Variants in SUFU observed in about 807,000 individuals in gnomAD.
The protein encoded by SUFU is suppressor of fused homolog.
A neutral mutation model predicts 58.9 loss-of-function variants in SUFU; 7 were observed. That is an observed-to-expected ratio of 0.12 (90% confidence interval 0.07 to 0.22). The LOEUF (loss-of-function observed/expected upper bound fraction) is 0.22, where lower values mean the gene tolerates loss of function less well. Ranked by LOEUF, SUFU falls within the 10% of genes least tolerant of loss-of-function variation. The pLI is 1.00. For synonymous variants in SUFU, 232 were observed against 254.8 expected, an observed-to-expected ratio of 0.91 and a Z score of 0.85; for missense variants, 451 against 641.3, an observed-to-expected ratio of 0.70 and a Z score of 3.20.
chr10:102,614,001 G>GAC (rs2063654641), intron 8 of SUFU, among the ~76,000 whole-genome samples: 2 of 152,094 alleles, frequency 1.3e-5, no homozygotes, highest in South Asian at 4.1e-4. Context: ...GGTCTGACTC[G>GAC]TAAGAGCCCA....
At position 102,513,880 on chromosome 10, in the gene SUFU, T is replaced by C. The variant is rs116612367; in HGVS notation, c.317+4577T>C. ...TATCCTCTCCTTTTTTAAACTGATA[T>C]GAATTTATTTTTATTTTTATTTTTG... On this transcript the variant is annotated intron_variant, in intron 2 of 11. Transcript: ENST00000369902. 8.8e-3 allele frequency among the ~76,000 whole-genome samples: 1,339 copies of C among 152,256 alleles called. 19 individuals carry two copies. The highest frequency in any genetic ancestry group is 0.03 in the African/African-American group (1,262 of 41,552).
At chr10:102,559,000 C>T (rs942990136) in intron 3 of SUFU, among the ~76,000 whole-genome samples, 6 of 152,214 alleles carry the variant, frequency 3.9e-5, no homozygotes, top group African/African-American at 7.2e-5. Context: ...ATCTGTTCAG[C>T]GATGTTCTCA....
At chr10:102,589,849 C>T (rs946426134) in intron 3 of SUFU, among the ~76,000 whole-genome samples, 1 of 152,072 alleles carries the variant, frequency 6.6e-6, no homozygotes, top group African/African-American at 2.4e-5. Flanking sequence ...TGTTCCTGAT[C>T]GTAGAAGGAA....
intron 8 of SUFU, among the ~76,000 whole-genome samples, chr10:102,612,804 G>T (rs554350501): frequency 1.2e-4 from 19 of 152,160 alleles, no homozygotes; most frequent in African/African-American, 4.3e-4. Context: ...CCTTCGGCTC[G>T]TCACCTCACC....
intron 2 of SUFU, 80 bp downstream of exon 2, chr10:102,509,383 T>C (rs2062371707): frequency 6.3e-7 from 1 of 1,577,422 alleles, no homozygotes; most frequent in Non-Finnish European, 8.6e-7. Flanking sequence ...GTCATAGTGC[T>C]GTGAGCATGG....
At chr10:102,598,772 T>C (rs1162042216) in intron 7 of SUFU, among the ~76,000 whole-genome samples, 1 of 152,220 alleles carries the variant, frequency 6.6e-6, no homozygotes, top group East Asian at 1.9e-4. Flanking sequence ...GAGGTAAATT[T>C]AGATCCAAAT....
chr10:102,578,778 C>T (rs1473233981), intron 3 of SUFU, among the ~76,000 whole-genome samples: 1 of 150,970 alleles, frequency 6.6e-6, no homozygotes, highest in East Asian at 1.9e-4. Context: ...GGCTGAGGCA[C>T]GAGACTTGCC....
At position 102,599,493 on chromosome 10, in the gene SUFU, T is replaced by C. The variant is rs1170234423; in HGVS notation, c.971T>C (p.Leu324Pro). ...RGLEINSKPV[L>P]PPINPQRQNG... is the part of the protein sequence containing the mutation. ...CTCGAGATCAACAGCAAACCTGTCC[T>C]TCCACCAATCAACCCTCAGCGGCAG... is the stretch of plus-strand genomic sequence containing the variant. The change falls in exon 8 of 12, where the codon CTT becomes CCT. Residue 324 changes from leucine to proline, a missense_variant. Coordinates refer to ENST00000369902, the MANE Select transcript of SUFU (RefSeq NM_016169.4). 6.2e-7 allele frequency: 1 copy of C among 1,614,170 alleles called. No individual in the cohort carries two copies. The highest frequency in any genetic ancestry group is 2.2e-5 in the East Asian group (1 of 44,872).
intron 2 of SUFU, among the ~76,000 whole-genome samples, chr10:102,534,580 G>A (rs894096583): frequency 3.3e-5 from 5 of 152,228 alleles, no homozygotes; most frequent in South Asian, 2.1e-4. Context: ...CCAGACTGTC[G>A]TTCATCCTCT....
intron 3 of SUFU, among the ~76,000 whole-genome samples, chr10:102,587,210 T>C (rs1180658607): frequency 1.3e-5 from 2 of 152,216 alleles, no homozygotes; most frequent in Non-Finnish European, 2.9e-5. Context: ...TTATTTTGGC[T>C]ATATACCCAG....
chr10:102,597,254 A>C lies in SUFU; in HGVS notation c.871A>C (p.Ile291Leu). ...CGAGGATGACGAGGACAGCCGGAGC[A>C]TCTGCATCGGCACACAGCCCCGGCG... ...PPEDDEDSRS[I>L]CIGTQPRRLS... Residue 291 changes from isoleucine (I) to leucine (L), a missense_variant, in exon 7 of 12, where the codon ATC becomes CTC. Ile to Leu is a conservative substitution (Grantham distance 5). Coordinates refer to ENST00000369902, the MANE Select transcript of SUFU (RefSeq NM_016169.4). The C allele has an allele frequency of 6.2e-7, 1 of 1,614,020 alleles. No individual in the cohort carries two copies. Among genetic ancestry groups the C allele is most frequent in the Non-Finnish European group, 8.5e-7 (1 of 1,180,028 alleles).
At chr10:102,523,598 G>A (rs1286548641) in intron 2 of SUFU, among the ~76,000 whole-genome samples, 2 of 152,142 alleles carry the variant, frequency 1.3e-5, no homozygotes, top group East Asian at 1.9e-4. Flanking sequence ...TAACCCTCTC[G>A]TCTTCCTGTT....
chr10:102,597,363 C>G (rs1203879698), intron 7 of SUFU, 70 bp downstream of exon 7: 23 of 1,543,856 alleles, frequency 1.5e-5, no homozygotes, highest in Non-Finnish European at 1.9e-5. Context: ...TTTCCAGTCT[C>G]TCTAGGATGG....
intron 2 of SUFU, among the ~76,000 whole-genome samples, chr10:102,539,331 C>T (rs1197360745): frequency 6.6e-6 from 1 of 152,190 alleles, no homozygotes; most frequent in Admixed American, 6.6e-5. Context: ...ATGTATTTCT[C>T]CATAGGAATA....
In SUFU at chr10:102,617,185, C is replaced by T; in HGVS notation, c.1158-105C>T. 1.3e-6 allele frequency: 2 copies of T among 1,503,462 alleles called. No individual in the cohort carries two copies. The highest frequency in any genetic ancestry group is 2.3e-5 in the South Asian group (2 of 87,730). The allele number at this position is 1,503,462 out of a possible 1,614,324, so 93.1% of individuals were successfully genotyped here. A position where few individuals can be genotyped will look rare whatever the true frequency, so the allele number is the denominator to read the frequency against. ...GCAGCCAGGAGGGCATGTTACCTGG[C>T]CCGCGGACCATAGTCCCCACTGTCC... On this transcript the variant is annotated intron_variant, in intron 9 of 11. Transcript: ENST00000369902. This position sits in a 1 kb window ranked among gnomAD's most constrained non-coding sequence, Gnocchi z 4.4.
chr10:102,626,854 T>C (rs2063790873), intron 10 of SUFU, among the ~76,000 whole-genome samples: 1 of 152,194 alleles, frequency 6.6e-6, no homozygotes, highest in African/African-American at 2.4e-5. Context: ...TTTTTCTTCC[T>C]GAGATTCCTT....
intron 8 of SUFU, among the ~76,000 whole-genome samples, chr10:102,610,471 G>A (rs1247169519): frequency 2.0e-5 from 3 of 151,838 alleles, no homozygotes; most frequent in South Asian, 2.1e-4. Context: ...TTATATAGGC[G>A]GGGTTTAGCA....
At chr10:102,592,932 T>G (rs933508438) in intron 4 of SUFU, among the ~76,000 whole-genome samples, 1 of 152,144 alleles carries the variant, frequency 6.6e-6, no homozygotes. Flanking sequence ...AAGGGGGCAT[T>G]TGGTTGGGAG....
intron 3 of SUFU, among the ~76,000 whole-genome samples, chr10:102,553,599 G>A (rs1256932678): frequency 6.6e-6 from 1 of 152,078 alleles, no homozygotes; most frequent in East Asian, 1.9e-4. Context: ...AAGTAGCTGG[G>A]ACTACAGGCG....
Sources: gnomAD v4.1 joint callset for allele counts (sites outside exome capture counted in the v4.1 genomes callset) on GRCh38, gnomAD v4.1.1 for gene constraint, Gnocchi (gnomAD v3.1) non-coding constraint, MANE v1.5 for transcripts, NCBI Gene and HGNC (gene_info 2026-07-23, HGNC 2026-07-21) for gene names.